TFCP2L1: variants seen among roughly 807,000 people sequenced by gnomAD.
TFCP2L1 encodes the protein transcription factor CP2-like protein 1.
TFCP2L1 carries 12 observed loss-of-function variants against 72.2 expected under a neutral mutation model. That is an observed-to-expected ratio of 0.17 (90% CI 0.11 to 0.27). TFCP2L1 has a LOEUF of 0.27. TFCP2L1 is among the 10% of genes least tolerant of loss of function. The pLI is 1.00. For synonymous variants in TFCP2L1, 260 were observed against 251.0 expected (o/e 1.04, Z -0.34); for missense variants, 488 against 624.6 (o/e 0.78, Z 2.33).
chr2:121,248,388 T>G (rs2104703206), intron 4 of TFCP2L1, 118 bp from the exon 5 acceptor site: 1 of 782,312 alleles, frequency 1.3e-6, no homozygotes, highest in Non-Finnish European at 2.0e-6. Context: ...CCAAAAGCTC[T>G]GAAAAAGTTT....
Position 121,237,728 on chromosome 2 carries a change from G to C in TFCP2L1, c.910-12C>G. 6.2e-7 allele frequency: 1 copy of C among 1,614,182 alleles called. No individual in the cohort carries two copies. Among genetic ancestry groups the C allele is most frequent in the Non-Finnish European group, 8.5e-7 (1 of 1,180,036 alleles). On this transcript the variant is annotated splice_polypyrimidine_tract_variant and intron_variant, in intron 9 of 14. Coordinates refer to ENST00000263707, the MANE Select transcript of TFCP2L1 (RefSeq NM_014553.3). ...GATGGGAGCAGGTGCTGTGAGCAGA[G>C]GGGAGAGGCCTTGAGATGGTGGCTC...
At chr2:121,242,804 G>A (rs1361934118) in intron 6 of TFCP2L1, among the ~76,000 whole-genome samples, 1 of 152,182 alleles carries the variant, frequency 6.6e-6, no homozygotes, top group African/African-American at 2.4e-5. Flanking sequence ...AGTACAGGCT[G>A]CTGGTCTGGA....
rs112186965 is a variant in TFCP2L1, at chr2:121,234,240, G to A, written c.1095-46C>T. Reference sequence around the variant, plus strand: ...AAATAATAGGTGTGGTGGACCAGGCGCAGTTGTTTCAGAATATTCCAGGAT... The same window carrying A: ...AAATAATAGGTGTGGTGGACCAGGCACAGTTGTTTCAGAATATTCCAGGAT... On this transcript the variant is annotated intron_variant, in intron 11 of 14. Coordinates refer to ENST00000263707, the MANE Select transcript of TFCP2L1 (RefSeq NM_014553.3). 1.2e-4 allele frequency: 181 copies of A among 1,551,198 alleles called. 1 individual carries two copies. Among genetic ancestry groups the A allele is most frequent in the African/African-American group, 9.2e-4 (68 of 73,686 alleles).
chr2:121,283,336 A>G (rs1235105784), intron 1 of TFCP2L1, among the ~76,000 whole-genome samples: 1 of 152,212 alleles, frequency 6.6e-6, no homozygotes, highest in Non-Finnish European at 1.5e-5. Context: ...AACGCAAGGA[A>G]AAGGACCAGA....
intron 2 of TFCP2L1, among the ~76,000 whole-genome samples, 158 bp from the exon 3 acceptor site, chr2:121,249,805 C>G (rs998951441): frequency 2.0e-5 from 3 of 152,264 alleles, no homozygotes; most frequent in Admixed American, 1.3e-4. Flanking sequence ...TCAGCTCACT[C>G]TCTGGACTGA....
intron 2 of TFCP2L1, among the ~76,000 whole-genome samples, chr2:121,270,522 T>C (rs1410356812): frequency 1.3e-5 from 2 of 152,214 alleles, no homozygotes; most frequent in Non-Finnish European, 2.9e-5. Flanking sequence ...ACATAGATGT[T>C]CACGGATTAC....
chr2:121,231,703 G>A (rs1686146654), intron 13 of TFCP2L1, 123 bp downstream of exon 13: 1 of 1,381,960 alleles, frequency 7.2e-7, no homozygotes, highest in African/African-American at 1.4e-5. Context: ...CACAGCTGCA[G>A]GTGGTGTGCA....
intron 6 of TFCP2L1, among the ~76,000 whole-genome samples, chr2:121,246,602 C>T (rs940801861): frequency 8.5e-5 from 13 of 152,196 alleles, no homozygotes; most frequent in African/African-American, 3.1e-4. Context: ...GAGCGGGTGC[C>T]GCAGGTGAAA....
Position 121,242,349 on chromosome 2 carries a change from G to A in TFCP2L1, c.768+10C>T. 6.2e-7 allele frequency: 1 copy of A among 1,613,070 alleles called. No individual in the cohort carries two copies. The highest frequency in any genetic ancestry group is 1.3e-5 in the African/African-American group (1 of 75,040). ...CTTGGAGGCTCTGTCCCCGCACCCA[G>A]CCGGCTCACCTCTGTGAGGATGGTG... On this transcript the variant is annotated intron_variant, in intron 7 of 14. Coordinates refer to ENST00000263707, the MANE Select transcript of TFCP2L1 (RefSeq NM_014553.3).
At chr2:121,278,937 G>A (rs943628020) in intron 2 of TFCP2L1, among the ~76,000 whole-genome samples, 1 of 152,052 alleles carries the variant, frequency 6.6e-6, no homozygotes, top group Non-Finnish European at 1.5e-5. Flanking sequence ...CCAGGAGGCA[G>A]AGGTTGCAGT....
intron 6 of TFCP2L1, among the ~76,000 whole-genome samples, chr2:121,245,054 G>A (rs1216085761): frequency 1.3e-5 from 2 of 152,218 alleles, no homozygotes; most frequent in African/African-American, 2.4e-5. Context: ...GGGGAATGGA[G>A]GTTTCAGATG....
At chr2:121,249,132 A>G (rs756755269) in intron 3 of TFCP2L1, 45 bp from the exon 4 acceptor site, 6 of 1,406,970 alleles carry the variant, frequency 4.3e-6, no homozygotes, top group Non-Finnish European at 5.7e-6. Flanking sequence ...GCGGGGGGCC[A>G]AGAGGAACCC....
chr2:121,275,385 C>T (rs1283283213), intron 2 of TFCP2L1, among the ~76,000 whole-genome samples: 1 of 91,256 alleles, frequency 1.1e-5, no homozygotes, highest in Non-Finnish European at 1.9e-5. Context: ...GGCGACAGCA[C>T]GAGACTCCAT....
At chr2:121,277,560 C>T (rs186506871) in intron 2 of TFCP2L1, among the ~76,000 whole-genome samples, 16 of 152,212 alleles carry the variant, frequency 1.1e-4, no homozygotes, top group African/African-American at 3.6e-4. Flanking sequence ...TTTTAAAATA[C>T]ATAAATAATC....
At chr2:121,261,906 C>A (rs1413754258) in intron 2 of TFCP2L1, among the ~76,000 whole-genome samples, 1 of 152,170 alleles carries the variant, frequency 6.6e-6, no homozygotes, top group Non-Finnish European at 1.5e-5. Flanking sequence ...CCATGATCCC[C>A]AATGCACTGC....
intron 2 of TFCP2L1, among the ~76,000 whole-genome samples, chr2:121,258,452 C>T (rs1686769929): frequency 6.6e-6 from 1 of 152,208 alleles, no homozygotes; most frequent in Non-Finnish European, 1.5e-5. Flanking sequence ...GGTCAGCAAT[C>T]ACGTTACTAC....
intron 5 of TFCP2L1, among the ~76,000 whole-genome samples, chr2:121,247,260 A>G (rs557796402): frequency 6.6e-6 from 1 of 152,010 alleles, no homozygotes; most frequent in East Asian, 1.9e-4. Context: ...AATAACCTCA[A>G]CCTAACTCCT....
In TFCP2L1 at chr2:121,224,404, C is replaced by T; in HGVS notation, c.1394-17G>A. 6.2e-7 allele frequency: 1 copy of T among 1,613,326 alleles called. No homozygotes were observed. Among genetic ancestry groups the T allele is most frequent in the African/African-American group, 1.3e-5 (1 of 75,006 alleles). ...TGCTCTCAGCTGCAAGAGAGAAACA[C>T]TGGGTGTATTTCACAGGAAAAAAGG... is the stretch of plus-strand genomic sequence containing the variant. On this transcript the variant is annotated splice_polypyrimidine_tract_variant and intron_variant, in intron 14 of 14. Coordinates refer to ENST00000263707, the MANE Select transcript of TFCP2L1 (RefSeq NM_014553.3).
intron 6 of TFCP2L1, 132 bp downstream of exon 6, chr2:121,246,686 G>A: frequency 2.5e-6 from 3 of 1,177,382 alleles, no homozygotes; most frequent in Non-Finnish European, 3.6e-6. Flanking sequence ...AGCCCAGGTA[G>A]AAGCCATGTG....
Sources: allele counts gnomAD v4.1 joint callset (sites outside exome capture counted in the v4.1 genomes callset), GRCh38; gene constraint gnomAD v4.1.1; transcripts MANE v1.5; gene names NCBI Gene and HGNC (gene_info 2026-07-23, HGNC 2026-07-21).